Variants in COL5A2 observed in about 807,000 individuals in gnomAD.
The protein encoded by COL5A2 is collagen alpha-2(V) chain.
In COL5A2, 23 loss-of-function variants were observed where a neutral mutation model predicts 208.2. That is an observed-to-expected ratio of 0.11 (90% CI 0.08 to 0.16). COL5A2 has a LOEUF of 0.16. Among genes scored for constraint, COL5A2 ranks in the 10% least tolerant of loss-of-function variants. The probability of loss-of-function intolerance (pLI) is 1.00; values close to 1 mark genes in which losing one functional copy is unlikely to be tolerated. For missense variants in COL5A2, 1,590 were observed against 1,956.4 expected, an observed-to-expected ratio of 0.81 and a Z score of 3.53; for synonymous variants, 625 against 628.5, an observed-to-expected ratio of 0.99 and a Z score of 0.08.
In COL5A2 at chr2:189,057,290, GAAAAAAAAAAA is replaced by G. The variant is rs34715449; in HGVS notation, c.2337+19_2337+29del. The G allele has an allele frequency of 7.0e-6, 5 of 710,668 alleles. No individual in the cohort carries two copies. The African/African-American group carries it at 8.5e-5, about 12-fold the overall frequency. 44.0% of individuals were successfully genotyped at this position (710,668 alleles called of 1,614,324 possible). A position where few individuals can be genotyped will look rare whatever the true frequency, so the allele number is the denominator to read the frequency against. The stretch of plus-strand genomic sequence containing the variant: ...AGCAGAAAGTCTGAATAAATGAACT[GAAAAAAAAAAA>G]AAAAAAAAAAGGACTTACTCTGTCA... On this transcript the variant is annotated intron_variant, in intron 34 of 53. Coordinates refer to ENST00000374866, the MANE Select transcript of COL5A2 (RefSeq NM_000393.5).
chr2:189,166,329 A>G (rs62182452), intron 1 of COL5A2, among the ~76,000 whole-genome samples: 1 of 151,774 alleles, frequency 6.6e-6, no homozygotes, highest in East Asian at 1.9e-4. Flanking sequence ...AGACAGGTTG[A>G]ATTTTTTTTT....
chr2:189,224,014 G>T (rs549861263), intron 1 of COL5A2, among the ~76,000 whole-genome samples: 1 of 151,868 alleles, frequency 6.6e-6, no homozygotes, highest in East Asian at 1.9e-4. Context: ...GAAAAATTAC[G>T]TAAAATATAT....
At chr2:189,273,937 G>C in the COL5A2 span, among the ~76,000 whole-genome samples, 3 of 151,774 alleles carry the variant, frequency 2.0e-5, no homozygotes, top group African/African-American at 4.8e-5. Flanking sequence ...TGCATAACAT[G>C]GTGACTACAG....
chr2:189,146,620 A>C (rs1181656380), intron 1 of COL5A2, among the ~76,000 whole-genome samples: 3 of 152,196 alleles, frequency 2.0e-5, no homozygotes, highest in African/African-American at 7.2e-5. Flanking sequence ...ATTTTAGTAA[A>C]GGGAACTTAG....
At chr2:189,100,505 C>T (rs1231719689) in intron 3 of COL5A2, among the ~76,000 whole-genome samples, 1 of 151,644 alleles carries the variant, frequency 6.6e-6, no homozygotes, top group African/African-American at 2.4e-5. Flanking sequence ...ACAAAAAGAG[C>T]CAGAAATTGT....
At chr2:189,373,853 T>C in the COL5A2 span, among the ~76,000 whole-genome samples, 2 of 152,202 alleles carry the variant, frequency 1.3e-5, no homozygotes, top group Non-Finnish European at 2.9e-5. Context: ...TTCTCTCCTA[T>C]AAGCAAAGAC....
At chr2:189,223,027 T>C (rs1689367347) in intron 1 of COL5A2, among the ~76,000 whole-genome samples, 1 of 152,144 alleles carries the variant, frequency 6.6e-6, no homozygotes, top group African/African-American at 2.4e-5. Context: ...AATAAATAAA[T>C]ACTAAATTTC....
the COL5A2 span, among the ~76,000 whole-genome samples, chr2:189,391,185 C>G: frequency 2.0e-5 from 3 of 152,072 alleles, no homozygotes; most frequent in East Asian, 5.8e-4. Flanking sequence ...CCAAATTTGG[C>G]TGGGTCTTGT....
chr2:189,055,881 T>G (rs1685890821), intron 35 of COL5A2, among the ~76,000 whole-genome samples: 1 of 152,200 alleles, frequency 6.6e-6, no homozygotes. Context: ...TTCCTATAAA[T>G]AGTACTGCAC....
chr2:189,085,848 G>T, intron 9 of COL5A2, 76 bp from the exon 10 acceptor site: 1 of 1,225,776 alleles, frequency 8.2e-7, no homozygotes, highest in Non-Finnish European at 1.2e-6. Context: ...TCAATATACA[G>T]TGTAATTGTT....
chr2:189,300,391 G>A, the COL5A2 span, among the ~76,000 whole-genome samples: 54 of 152,106 alleles, frequency 3.6e-4, no homozygotes, highest in Admixed American at 1.6e-3. Context: ...TTATATCCAC[G>A]TTTTCTGTTA....
At chr2:189,400,124 G>A in the COL5A2 span, among the ~76,000 whole-genome samples, 1 of 151,970 alleles carries the variant, frequency 6.6e-6, no homozygotes, top group Non-Finnish European at 1.5e-5. Context: ...TTTTTGCTAT[G>A]GGTTTCAGCA....
chr2:189,225,629 T>C (rs7603704), upstream of COL5A2, among the ~76,000 whole-genome samples: 22,646 of 151,900 alleles, frequency 0.15, 2,882 homozygotes, highest in African/African-American at 0.34. Flanking sequence ...TGGAGAAAAA[T>C]AGTTTTTCAG....
upstream of COL5A2, among the ~76,000 whole-genome samples, chr2:189,229,160 C>T (rs1397543132): frequency 2.0e-5 from 3 of 151,620 alleles, no homozygotes; most frequent in East Asian, 5.8e-4. Context: ...ATCATCATAA[C>T]ATAACAAGGT....
chr2:189,176,963 T>A (rs1294960877), intron 1 of COL5A2, among the ~76,000 whole-genome samples: 1 of 152,226 alleles, frequency 6.6e-6, no homozygotes. Flanking sequence ...TGGCTTAAAA[T>A]GCCTAAAACT....
the COL5A2 span, among the ~76,000 whole-genome samples, chr2:189,258,402 A>T: frequency 6.6e-6 from 1 of 152,198 alleles, no homozygotes; most frequent in African/African-American, 2.4e-5. Flanking sequence ...AAAATAACTT[A>T]TTTACATTGT....
chr2:189,266,506 C>T, the COL5A2 span, among the ~76,000 whole-genome samples: 1 of 151,856 alleles, frequency 6.6e-6, no homozygotes, highest in Non-Finnish European at 1.5e-5. Flanking sequence ...GTGCAAGAAC[C>T]CTGAAGACAT....
chr2:189,079,025 A>G (rs1344786672), intron 15 of COL5A2, 38 bp downstream of exon 15: 1 of 1,540,612 alleles, frequency 6.5e-7, no homozygotes, highest in African/African-American at 1.4e-5. Flanking sequence ...AGGAAATATA[A>G]CCTTAGAAAT....
the COL5A2 span, among the ~76,000 whole-genome samples, chr2:189,386,821 A>G: frequency 6.6e-6 from 1 of 152,192 alleles, no homozygotes; most frequent in African/African-American, 2.4e-5. Context: ...AAGTCAAAAA[A>G]ATAACAAATG....
Sources: gnomAD v4.1 joint callset for allele counts (sites outside exome capture counted in the v4.1 genomes callset) on GRCh38, gnomAD v4.1.1 for gene constraint, MANE v1.5 for transcripts, NCBI Gene and HGNC (gene_info 2026-07-23, HGNC 2026-07-21) for gene names.